Variants in ETF1 observed in about 807,000 individuals in gnomAD.
ETF1 encodes eukaryotic translation termination factor 1, also known as eukaryotic peptide chain release factor subunit 1.
A neutral mutation model predicts 55.1 loss-of-function variants in ETF1; 4 were observed. That is an observed-to-expected ratio of 0.07 (90% CI 0.04 to 0.17). The LOEUF is 0.17. ETF1 is among the 10% of genes least tolerant of loss of function. The pLI is 1.00. For synonymous variants in ETF1, 157 were observed against 182.3 expected, an observed-to-expected ratio of 0.86 and a Z score of 1.12; for missense variants, 142 against 523.6, an observed-to-expected ratio of 0.27 and a Z score of 7.11.
At chr5:138,524,735 A>G (rs1462344372) in intron 2 of ETF1, among the ~76,000 whole-genome samples, 7 of 151,048 alleles carry the variant, frequency 4.6e-5, no homozygotes, top group South Asian at 2.1e-4. Flanking sequence ...ACGCCATCAC[A>G]CCCGGCTAAT....
At chr5:138,521,412 A>G (rs1290856634) in intron 2 of ETF1, among the ~76,000 whole-genome samples, 2 of 152,236 alleles carry the variant, frequency 1.3e-5, no homozygotes, top group Non-Finnish European at 2.9e-5. Context: ...GTGTGAATGT[A>G]CTTAATACTG....
At chr5:138,531,844 A>C (rs530259486) in intron 2 of ETF1, among the ~76,000 whole-genome samples, 1 of 152,188 alleles carries the variant, frequency 6.6e-6, no homozygotes, top group Admixed American at 6.5e-5. Flanking sequence ...CAGGAGATTG[A>C]GATCACCCTG....
intron 2 of ETF1, among the ~76,000 whole-genome samples, chr5:138,536,913 G>A (rs1016044303): frequency 6.6e-6 from 1 of 152,154 alleles, no homozygotes; most frequent in Non-Finnish European, 1.5e-5. Context: ...AACCTACACA[G>A]CACTCTGCCT....
rs200218131 is a variant in ETF1, at chr5:138,524,584, TG to T, written c.87-5718del. Reference sequence around the variant, plus strand: ...AAAAAAAAAATTTCTTTCCGTTTTTTGTTTTTTTTTTTGAGACAGAGTCTTG... The same window carrying T: ...AAAAAAAAAATTTCTTTCCGTTTTTTTTTTTTTTTTTGAGACAGAGTCTTG... On this transcript the variant is annotated intron_variant, in intron 2 of 10. Transcript: ENST00000360541. 2.4e-3 allele frequency among the ~76,000 whole-genome samples: 344 copies of T among 144,548 alleles called. 39 individuals carry two copies. Among genetic ancestry groups the T allele is most frequent in the African/African-American group, 5.3e-3 (211 of 39,664 alleles). 94.8% of individuals were successfully genotyped at this position (144,548 alleles called of 152,430 possible).
In ETF1 at chr5:138,510,555, A is replaced by C. The variant is rs1404198370; in HGVS notation, c.1083+10T>G. On this transcript the variant is annotated intron_variant, in intron 9 of 10. Coordinates refer to ENST00000360541, the MANE Select transcript of ETF1 (RefSeq NM_004730.4). ...GCACGTATCATCAAACCAAGAAAATAATCACATACCTCTTTGTCTGTGAAA... is the reference window on the plus strand; with the variant it reads ...GCACGTATCATCAAACCAAGAAAATCATCACATACCTCTTTGTCTGTGAAA... 2 of 1,595,388 alleles carry C rather than the reference A, an allele frequency of 1.3e-6. No homozygotes were observed. Among genetic ancestry groups the C allele is most frequent in the Admixed American group, 3.3e-5 (2 of 59,918 alleles).
At chr5:138,516,371 A>AACAC (rs3884296) in intron 4 of ETF1, among the ~76,000 whole-genome samples, 3,287 of 150,740 alleles carry the variant, frequency 0.022, 99 homozygotes, top group African/African-American at 0.067. Context: ...CAAAAATCAA[A>AACAC]ACACACACAC....
At chr5:138,542,693 AG>A in intron 2 of ETF1, 139 bp downstream of exon 2, 1 of 1,485,218 alleles carries the variant, frequency 6.7e-7, no homozygotes. Flanking sequence ...CCCCTGGGTC[AG>A]GGGCTACTAC....
chr5:138,513,781 A>G, intron 4 of ETF1, 75 bp from the exon 5 acceptor site: 1 of 1,484,288 alleles, frequency 6.7e-7, no homozygotes, highest in Non-Finnish European at 9.0e-7. Flanking sequence ...GAAAGGATAT[A>G]TACAAGCCCT....
intron 9 of ETF1, 44 bp from the exon 10 acceptor site, chr5:138,508,860 T>G: frequency 1.3e-6 from 2 of 1,595,706 alleles, no homozygotes; most frequent in Non-Finnish European, 1.7e-6. Context: ...GATTAGGATA[T>G]ATGAAGGCTA....
At chr5:138,527,264 C>A (rs552169373) in intron 2 of ETF1, among the ~76,000 whole-genome samples, 9 of 152,302 alleles carry the variant, frequency 5.9e-5, no homozygotes, top group African/African-American at 2.2e-4. Flanking sequence ...GGGTGTCTAC[C>A]TTGAAGGCTG....
intron 2 of ETF1, among the ~76,000 whole-genome samples, chr5:138,531,010 T>A (rs1041088834): frequency 1.3e-5 from 2 of 152,174 alleles, no homozygotes; most frequent in African/African-American, 4.8e-5. Flanking sequence ...CCCAGAGCAG[T>A]TGCTTGCTGC....
At chr5:138,512,197 C>CAAAAAAAAAAAAAA (rs58386195) in intron 6 of ETF1, among the ~76,000 whole-genome samples, 1 of 2,842 alleles carries the variant, frequency 3.5e-4, no homozygotes, top group African/African-American at 1.4e-3. Context: ...GACCCAGTCT[C>CAAAAAAAAAAAAAA]AAAAAAAAAA....
intron 3 of ETF1, 39 bp from the exon 4 acceptor site, chr5:138,517,739 A>G (rs772947339): frequency 4.1e-5 from 57 of 1,384,188 alleles, no homozygotes; most frequent in Non-Finnish European, 5.2e-5. Context: ...TTTACCCCAT[A>G]TCTAGTTTTT....
chr5:138,528,018 C>T (rs996609797), intron 2 of ETF1, among the ~76,000 whole-genome samples: 7 of 152,070 alleles, frequency 4.6e-5, no homozygotes, highest in African/African-American at 9.7e-5. Flanking sequence ...GTGATCCGCC[C>T]GCCTCAGCCT....
intron 6 of ETF1, among the ~76,000 whole-genome samples, chr5:138,512,217 A>AT (rs1764817174): frequency 2.8e-5 from 1 of 35,184 alleles, no homozygotes; most frequent in Admixed American, 4.7e-4. Flanking sequence ...AAAAAAAAAA[A>AT]AAAAAAAAAT....
chr5:138,538,571 G>A (rs1295662696), intron 2 of ETF1, among the ~76,000 whole-genome samples: 1 of 151,998 alleles, frequency 6.6e-6, no homozygotes, highest in African/African-American at 2.4e-5. Context: ...GACAAAAAAA[G>A]TCTTCTTTAT....
chr5:138,530,693 C>A (rs1765662594), intron 2 of ETF1, among the ~76,000 whole-genome samples: 1 of 152,056 alleles, frequency 6.6e-6, no homozygotes. Context: ...CCTGCCTCAG[C>A]CTCCCAAGTA....
chr5:138,516,370 A>G (rs1274519964), intron 4 of ETF1, among the ~76,000 whole-genome samples: 2 of 119,574 alleles, frequency 1.7e-5, no homozygotes, highest in Non-Finnish European at 4.0e-5. Flanking sequence ...ACAAAAATCA[A>G]AACACACACA....
At chr5:138,524,591 T>C (rs1318497878) in intron 2 of ETF1, among the ~76,000 whole-genome samples, 3 of 149,164 alleles carry the variant, frequency 2.0e-5, no homozygotes, top group Admixed American at 2.0e-4. Flanking sequence ...TTTTGTTTTT[T>C]TTTTTGAGAC....
Sources: gnomAD v4.1 joint callset for allele counts (sites outside exome capture counted in the v4.1 genomes callset) on GRCh38, gnomAD v4.1.1 for gene constraint, MANE v1.5 for transcripts, NCBI Gene and HGNC (gene_info 2026-07-23, HGNC 2026-07-21) for gene names.